CHST11: variants seen among roughly 807,000 people sequenced by gnomAD.
The protein encoded by CHST11 is carbohydrate sulfotransferase 11.
In CHST11, 9 loss-of-function variants were observed where a neutral mutation model predicts 30.4. That is an observed-to-expected ratio of 0.30 (90% confidence interval 0.18 to 0.52). The LOEUF is 0.52. CHST11 is among the 20% of genes least tolerant of loss of function. The pLI is 0.97. For missense variants in CHST11, 348 were observed against 460.6 expected, an observed-to-expected ratio of 0.76 and a Z score of 2.24; for synonymous variants, 152 against 187.8, an observed-to-expected ratio of 0.81 and a Z score of 1.56.
rs184523617 is a variant in CHST11, at chr12:104,483,267, G to A, written c.118+25738G>A. On this transcript the variant is annotated intron_variant, in intron 1 of 2. Transcript: ENST00000303694. The stretch of plus-strand genomic sequence containing the variant: ...GTCGCCCAGACTGGAGTGCAGTGAC[G>A]TGATCTCAGCTCACTGCAACCTCTG... Among the ~76,000 whole-genome samples the A allele has an allele frequency of 3.1e-3, 478 of 152,206 alleles. 6 individuals are homozygous for A. The highest frequency in any genetic ancestry group is 0.017 in the Middle Eastern group (5 of 294).
intron 2 of CHST11, among the ~76,000 whole-genome samples, chr12:104,637,318 AAAAAAAAAAAAAAAAAAG>A (rs2039333982): frequency 9.3e-6 from 1 of 107,870 alleles, no homozygotes; most frequent in African/African-American, 3.9e-5. Flanking sequence ...AAAAAAAAAA[AAAAAAAAAAAAAAAAAAG>A]GGGGTTGGGG....
At chr12:104,583,887 A>G (rs2038774791) in intron 1 of CHST11, among the ~76,000 whole-genome samples, 4 of 152,042 alleles carry the variant, frequency 2.6e-5, no homozygotes, top group African/African-American at 7.2e-5. Context: ...TAATTTTTGT[A>G]TTTTTAGTAG....
In CHST11 at chr12:104,759,169, TAC is replaced by T. The variant is rs1450440823; in HGVS notation, c.*1370_*1371del. 1.1e-4 allele frequency: 17 copies of T among 152,128 alleles called. No individual in the cohort carries two copies. The highest frequency in any genetic ancestry group is 3.9e-4 in the African/African-American group (16 of 41,434). 9.4% of individuals were successfully genotyped at this position (152,128 alleles called of 1,614,324 possible). On this transcript the variant is annotated 3_prime_UTR_variant, in exon 3 of 3. Transcript: ENST00000303694. ...ATGAAGGTCAGAGGTGGACTATTTG[TAC>T]ACATACACACATGCACACCCTCTCA... is the stretch of plus-strand genomic sequence containing the variant.
intron 1 of CHST11, among the ~76,000 whole-genome samples, chr12:104,533,733 G>A (rs1704921): frequency 0.55 from 82,852 of 151,990 alleles, 23,167 homozygotes; most frequent in East Asian, 0.82. Flanking sequence ...ATCACTTGTC[G>A]GGGACAGTGG....
intron 2 of CHST11, among the ~76,000 whole-genome samples, chr12:104,747,640 C>A (rs2040398622): frequency 6.6e-6 from 1 of 152,178 alleles, no homozygotes; most frequent in Admixed American, 6.5e-5. Context: ...GGCAGCACAA[C>A]TGACATGCTG....
chr12:104,549,910 A>G (rs2038389448), intron 1 of CHST11, among the ~76,000 whole-genome samples: 1 of 152,162 alleles, frequency 6.6e-6, no homozygotes, highest in African/African-American at 2.4e-5. Flanking sequence ...TCATCTCCAA[A>G]AAAAAGATGA....
chr12:104,655,388 A>G (rs2039534624), intron 2 of CHST11, among the ~76,000 whole-genome samples: 1 of 152,178 alleles, frequency 6.6e-6, no homozygotes, highest in Non-Finnish European at 1.5e-5. Flanking sequence ...TCGGCAGGAT[A>G]GCTAGGGATG....
chr12:104,700,408 A>G (rs1161821906), intron 2 of CHST11, among the ~76,000 whole-genome samples: 4 of 152,224 alleles, frequency 2.6e-5, no homozygotes, highest in Non-Finnish European at 5.9e-5. Context: ...GTAGGCTTAA[A>G]TGGCTCTGAA....
At chr12:104,536,867 T>G (rs899650329) in intron 1 of CHST11, among the ~76,000 whole-genome samples, 4 of 152,224 alleles carry the variant, frequency 2.6e-5, no homozygotes, top group African/African-American at 9.6e-5. Flanking sequence ...GGCTTCTCTG[T>G]GCCTGGAACA....
At chr12:104,523,301 C>T (rs780923662) in intron 1 of CHST11, among the ~76,000 whole-genome samples, 29 of 152,164 alleles carry the variant, frequency 1.9e-4, no homozygotes, top group Admixed American at 4.6e-4. Flanking sequence ...GAATTCTTTT[C>T]GCTTCCTGGA....
At chr12:104,683,506 G>A (rs1164751) in intron 2 of CHST11, among the ~76,000 whole-genome samples, 140,561 of 152,188 alleles carry the variant, frequency 0.92, 65,033 homozygotes, top group East Asian at 1. Context: ...TTTTCCTGTA[G>A]TGGTTGGGAG....
chr12:104,678,540 G>A (rs2039764112), intron 2 of CHST11, among the ~76,000 whole-genome samples: 1 of 152,174 alleles, frequency 6.6e-6, no homozygotes, highest in African/African-American at 2.4e-5. Flanking sequence ...AGGAAATGGA[G>A]GCATAGTTTA....
chr12:104,661,842 A>C (rs1161843896), intron 2 of CHST11, among the ~76,000 whole-genome samples: 1 of 152,132 alleles, frequency 6.6e-6, no homozygotes. Context: ...ATTTGGATAA[A>C]GTATTCTGGA....
chr12:104,477,458 A>G (rs946709557), intron 1 of CHST11, among the ~76,000 whole-genome samples: 7 of 152,080 alleles, frequency 4.6e-5, no homozygotes, highest in African/African-American at 1.4e-4. Flanking sequence ...GAGAAACCCT[A>G]TTGTCTGAAT....
At chr12:104,536,388 A>G (rs531984490) in intron 1 of CHST11, among the ~76,000 whole-genome samples, 1 of 152,158 alleles carries the variant, frequency 6.6e-6, no homozygotes, top group African/African-American at 2.4e-5. Flanking sequence ...TTCCTACTCA[A>G]TGTGTGGTCA....
intron 2 of CHST11, among the ~76,000 whole-genome samples, chr12:104,606,100 T>G (rs2039002124): frequency 6.8e-6 from 1 of 146,686 alleles, no homozygotes; most frequent in African/African-American, 2.5e-5. Flanking sequence ...GATCCAATTG[T>G]TCTAGGGGTC....
intron 2 of CHST11, among the ~76,000 whole-genome samples, chr12:104,675,301 G>A (rs758345093): frequency 6.6e-6 from 1 of 152,202 alleles, no homozygotes; most frequent in Non-Finnish European, 1.5e-5. Context: ...TTCAGCTTCT[G>A]TTATGCTCAC....
intron 1 of CHST11, among the ~76,000 whole-genome samples, chr12:104,505,360 A>G (rs574578538): frequency 6.6e-6 from 1 of 152,138 alleles, no homozygotes; most frequent in Non-Finnish European, 1.5e-5. Flanking sequence ...GCTACCCTGC[A>G]CATGATGTCA....
At chr12:104,476,946 A>G (rs1447808465) in intron 1 of CHST11, among the ~76,000 whole-genome samples, 1 of 152,038 alleles carries the variant, frequency 6.6e-6, no homozygotes, top group Admixed American at 6.6e-5. Flanking sequence ...ACATGCTTGC[A>G]TGTCTGAATG....
Sources: gnomAD v4.1 joint callset for allele counts (sites outside exome capture counted in the v4.1 genomes callset) on GRCh38, gnomAD v4.1.1 for gene constraint, MANE v1.5 for transcripts, NCBI Gene and HGNC (gene_info 2026-07-23, HGNC 2026-07-21) for gene names.